The following HOOK2 variants were observed in gnomAD, a reference collection of about 807,000 sequenced individuals.
The protein encoded by HOOK2 is hook microtubule tethering protein 2, also known as protein Hook homolog 2.
A neutral mutation model predicts 111.9 loss-of-function variants in HOOK2; 108 were observed. The ratio of observed to expected loss-of-function variants is 0.96; its 90% CI spans 0.83 to 1.13. The LOEUF (loss-of-function observed/expected upper bound fraction) is 1.13, where lower values mean the gene tolerates loss of function less well. Ranked by LOEUF, HOOK2 falls within the 50% of genes most tolerant of loss-of-function variation. The probability of loss-of-function intolerance (pLI) is 0.00; values close to 1 mark genes in which losing one functional copy is unlikely to be tolerated. For synonymous variants in HOOK2, 405 were observed against 394.3 expected (o/e 1.03, Z -0.32); for missense variants, 978 against 951.3 (o/e 1.03, Z -0.37).
chr19:12,780,220 G>A (rs1968585215), upstream of HOOK2, among the ~76,000 whole-genome samples: 1 of 152,154 alleles, frequency 6.6e-6, no homozygotes, highest in Admixed American at 6.5e-5. Context: ...GTGTGCCCCT[G>A]TGTATCTCTG....
chr19:12,774,488 T>G (rs1403149559), intron 3 of HOOK2, 181 bp downstream of exon 3: 2 of 651,014 alleles, frequency 3.1e-6, no homozygotes, highest in African/African-American at 3.6e-5. Context: ...TCTGTGTTAT[T>G]CCTTGCTGAA....
rs754759011 is a variant in HOOK2 at position 12,770,956 on chromosome 19, A to G, written c.878T>C (p.Leu293Pro). 6.2e-7 allele frequency: 1 copy of G among 1,607,646 alleles called. No homozygotes were observed. The highest frequency in any genetic ancestry group is 8.5e-7 in the Non-Finnish European group (1 of 1,176,252). The change falls in exon 10 of 23, where the codon CTG (leucine) becomes CCG (proline). Residue 293 changes from leucine to proline, a missense_variant. Physicochemically the swap from Leu to Pro is moderately conservative, Grantham distance 98 (BLOSUM62 -3). Around this residue, in one of 5 missense-constraint regions of HOOK2, gnomAD observed 388 missense variants for 358.3 expected, o/e 1.08. Coordinates refer to ENST00000397668, the MANE Select transcript of HOOK2 (RefSeq NM_013312.3). ...CCGTAGTTCATCCATCTCATCCTTC[A>G]GGGCCTGTGCCTCCTGGGCCAGGCT... ...LTSLAQEAQA[L>P]KDEMDELRQS... is the part of the protein sequence containing the mutation.
chr19:12,782,512 G>T (rs1968613286), upstream of HOOK2, among the ~76,000 whole-genome samples: 1 of 152,226 alleles, frequency 6.6e-6, no homozygotes, highest in African/African-American at 2.4e-5. Flanking sequence ...CCTCCGGGAG[G>T]CGCCCTCCCC....
chr19:12,780,673 T>C (rs1366660988), upstream of HOOK2, among the ~76,000 whole-genome samples: 1 of 106,452 alleles, frequency 9.4e-6, no homozygotes, highest in South Asian at 3.7e-4. Context: ...TTTTTTTTTT[T>C]TTTTTTTTTT....
chr19:12,774,544 A>G (rs1330274621), intron 3 of HOOK2, 125 bp downstream of exon 3: 1 of 918,920 alleles, frequency 1.1e-6, no homozygotes, highest in Non-Finnish European at 1.8e-6. Flanking sequence ...TGAATGGATG[A>G]ACAAATGGTT....
At position 12,766,194 on chromosome 19, in the gene HOOK2, G is replaced by C. The variant is rs1968140093; in HGVS notation, c.1420C>G (p.Gln474Glu). 1 of 1,596,024 alleles carries C rather than the reference G, an allele frequency of 6.3e-7. No individual in the cohort carries two copies. Among genetic ancestry groups the C allele is most frequent in the African/African-American group, 1.3e-5 (1 of 74,754 alleles). ...TGCCGCTCCCGGTCGGCCGCCTCCT[G>C]CCTGCACAGCCGCTTGTTCTCCAGC... ...LQLENKRLCRQEAADRERQEE... is the reference protein window; with the variant it reads ...LQLENKRLCREEAADRERQEE... The change falls in exon 15 of 23, where the codon CAG becomes GAG. Residue 474 changes from glutamine to glutamate, a missense_variant. Around this residue, in one of 5 missense-constraint regions of HOOK2, gnomAD observed 388 missense variants for 358.3 expected, o/e 1.08. Transcript: ENST00000397668.
rs1185070027 is a variant in HOOK2 at position 12,789,782 on chromosome 19, G to A, written n.42-15557C>T. 7.9e-5 allele frequency among the ~76,000 whole-genome samples: 12 copies of A among 151,606 alleles called. No individual in the cohort carries two copies. In the East Asian group the frequency reaches 2.3e-3, roughly 29 times the overall value. ...ACGCAGCCCCAAAGCGGCGGGGTGG[G>A]GCGGGGCCGGGCCAGGCGGCCGTGG... is the stretch of plus-strand genomic sequence containing the variant. On this transcript the variant is annotated intron_variant and non_coding_transcript_variant, in intron 3 of 3. Transcript: ENST00000589765.
chr19:12,775,216 C>A lies in HOOK2; in HGVS notation c.45+189G>T, dbSNP rs1473004198. On this transcript the variant is annotated intron_variant, in intron 1 of 22. Coordinates refer to ENST00000397668, the MANE Select transcript of HOOK2 (RefSeq NM_013312.3). ...AACCAACCACAGAGGGGCGGGGCCT[C>A]ACCTGTCCTTTCCACGCAGACTTGC... The A allele has an allele frequency of 5.1e-6, 5 of 985,282 alleles. No homozygotes were observed. In the African/African-American group the frequency reaches 8.7e-5, roughly 17 times the overall value. The allele number at this position is 985,282 out of a possible 1,614,324, so 61.0% of individuals were successfully genotyped here.
chr19:12,775,279 G>A (rs1968465118), intron 1 of HOOK2, 126 bp downstream of exon 1: 1 of 1,479,912 alleles, frequency 6.8e-7, no homozygotes, highest in Non-Finnish European at 9.0e-7. Context: ...AGAGTCCAAC[G>A]GTCCAGCAAG....
Position 12,770,065 on chromosome 19 carries a change from G to GCA in HOOK2, c.918_919dup (p.Ala307ValfsTer9), listed in dbSNP as rs1321882592. 3 of 1,528,564 alleles carry GCA rather than the reference G, an allele frequency of 2.0e-6. No individual in the cohort carries two copies. The highest frequency in any genetic ancestry group is 2.6e-6 in the Non-Finnish European group (3 of 1,140,948). The allele number at this position is 1,528,564 out of a possible 1,614,324, so 94.7% of individuals were successfully genotyped here. A position where few individuals can be genotyped will look rare whatever the true frequency, so the allele number is the denominator to read the frequency against. On this transcript the variant is annotated frameshift_variant, in exon 11 of 23. Transcript: ENST00000397668. LOFTEE classifies it high-confidence loss of function. ...GGTCAGCGTGGCCTCCAGCTGCCCAGCACGCTCCGAAGACTGCCTAGGGGA... is the reference window on the plus strand; with the variant it reads ...GGTCAGCGTGGCCTCCAGCTGCCCAGCACACGCTCCGAAGACTGCCTAGGGGA...
Position 12,769,985 on chromosome 19 carries a change from G to GCTGCCGCAC in HOOK2, c.991_999dup (p.Val331_Gln333dup). ...GCGTGGCCGGCGTTGCGTTCCTCCAGCTGCCGCACCTGCCGCCGCAGCTCC... is the reference window on the plus strand; with the variant it reads ...GCGTGGCCGGCGTTGCGTTCCTCCAGCTGCCGCACCTGCCGCACCTGCCGCCGCAGCTCC... On this transcript the variant is annotated inframe_insertion, in exon 11 of 23. Coordinates refer to ENST00000397668, the MANE Select transcript of HOOK2 (RefSeq NM_013312.3). 3 of 1,549,646 alleles carry GCTGCCGCAC rather than the reference G, an allele frequency of 1.9e-6. No individual in the cohort carries two copies. In the East Asian group the frequency reaches 7.3e-5, roughly 38 times the overall value.
At position 12,791,551 on chromosome 19, in the gene HOOK2, G is replaced by T. The variant is rs767580515; in HGVS notation, n.42-17326C>A. On this transcript the variant is annotated intron_variant and non_coding_transcript_variant, in intron 3 of 3. Coordinates refer to the HOOK2 transcript ENST00000589765. The surrounding 1 kb of genome is among the most constrained non-coding windows in gnomAD (Gnocchi z 7.0). The stretch of plus-strand genomic sequence containing the variant: ...GGAGCTGGGAGCTGGGGGAAACGAC[G>T]CCAGGAAAGCTATCGCGCCAGAGAG... 2.7e-5 allele frequency: 13 copies of T among 487,932 alleles called. No individual in the cohort carries two copies. Among genetic ancestry groups the T allele is most frequent in the Non-Finnish European group, 4.0e-5 (11 of 278,188 alleles). The allele number at this position is 487,932 out of a possible 1,614,324, so 30.2% of individuals were successfully genotyped here. A position where few individuals can be genotyped will look rare whatever the true frequency, so the allele number is the denominator to read the frequency against.
At chr19:12,789,668 C>T (rs1486613899) in intron 3 of HOOK2, among the ~76,000 whole-genome samples, 1 of 151,604 alleles carries the variant, frequency 6.6e-6, no homozygotes, top group Non-Finnish European at 1.5e-5. Context: ...CCTCTCCGCG[C>T]CCCGTCGGGC....
chr19:12,790,286 G>A lies in HOOK2; in HGVS notation n.42-16061C>T, dbSNP rs916118632. 7.2e-5 allele frequency among the ~76,000 whole-genome samples: 11 copies of A among 152,210 alleles called. No homozygotes were observed. Among genetic ancestry groups the A allele is most frequent in the Non-Finnish European group, 1.3e-4 (9 of 68,022 alleles). ...CGGGGCGCACGGTCCCGTAGGATCC[G>A]AGTGACGGAGACAGGGCCGGGCTCC... is the stretch of plus-strand genomic sequence containing the variant. On this transcript the variant is annotated intron_variant and non_coding_transcript_variant, in intron 3 of 3. Transcript: ENST00000589765. This position sits in a 1 kb window ranked among gnomAD's most constrained non-coding sequence, Gnocchi z 7.2.
chr19:12,780,448 C>A (rs544103452), upstream of HOOK2, among the ~76,000 whole-genome samples: 3 of 151,570 alleles, frequency 2.0e-5, no homozygotes, highest in East Asian at 6.0e-4. Context: ...GCTCCGCCTC[C>A]CGGGTTCACA....
At chr19:12,771,621 G>T in intron 7 of HOOK2, 144 bp from the exon 8 acceptor site, 1 of 705,022 alleles carries the variant, frequency 1.4e-6, no homozygotes, top group Non-Finnish European at 2.4e-6. Context: ...AGTGGCTCGC[G>T]CCTATAATCC....
rs371222383 is a variant in HOOK2 at position 12,791,765 on chromosome 19, C to T, written n.42-17540G>A. On this transcript the variant is annotated intron_variant and non_coding_transcript_variant, in intron 3 of 3. Coordinates refer to the HOOK2 transcript ENST00000589765. This position sits in a 1 kb window ranked among gnomAD's most constrained non-coding sequence, Gnocchi z 7.0. ...GGGACCCTCCCCAGACCGCCTGGGCCGCCCGGATGTGCACTAAAATGGAAC... is the reference window on the plus strand; with the variant it reads ...GGGACCCTCCCCAGACCGCCTGGGCTGCCCGGATGTGCACTAAAATGGAAC... The T allele has an allele frequency of 1.9e-6, 3 of 1,593,414 alleles. No homozygotes were observed. The African/African-American group carries it at 4.0e-5, about 21-fold the overall frequency.
intron 1 of HOOK2, 25 bp downstream of exon 1, chr19:12,775,380 C>T: frequency 6.2e-7 from 1 of 1,608,954 alleles, no homozygotes; most frequent in South Asian, 1.1e-5. Context: ...CGCTCACCTT[C>T]CCCTAGCCCC....
At chr19:12,770,187 T>C in intron 10 of HOOK2, 105 bp from the exon 11 acceptor site, 1 of 1,061,644 alleles carries the variant, frequency 9.4e-7, no homozygotes, top group Non-Finnish European at 1.3e-6. Context: ...CCTGAGGCTT[T>C]TGGGTTCAAG....
Sources: allele counts gnomAD v4.1 joint callset (sites outside exome capture counted in the v4.1 genomes callset), GRCh38; gene constraint gnomAD v4.1.1; regional missense constraint gnomAD v4.1.1; non-coding constraint Gnocchi (gnomAD v3.1); transcripts MANE v1.5; gene names NCBI Gene and HGNC (gene_info 2026-07-23, HGNC 2026-07-21).